The following MIB1 variants were observed in gnomAD, a reference collection of about 807,000 sequenced individuals.
MIB1 encodes E3 ubiquitin-protein ligase MIB1.
MIB1 carries 278 observed loss-of-function variants against 124.5 expected under a neutral mutation model. The ratio of observed to expected loss-of-function variants is 2.23; its 90% CI spans 2.02 to 2.47. The LOEUF is 2.47. MIB1 is among the 30% of genes most tolerant of loss of function. MIB1 has a pLI of 0.00. For synonymous variants in MIB1, 446 were observed against 429.4 expected (o/e 1.04, Z -0.48); for missense variants, 957 against 1,254.4 (o/e 0.76, Z 3.58).
At chr18:21,855,024 A>T (rs774877464) in intron 18 of MIB1, 3 of 152,426 alleles carry the variant, frequency 2.0e-5, no homozygotes, top group Non-Finnish European at 4.4e-5. Flanking sequence ...GGAAGAGGAA[A>T]AACAGTCTTT....
chr18:21,714,354 G>C (rs1220042212), intron 1 of MIB1, among the ~76,000 whole-genome samples: 2 of 152,180 alleles, frequency 1.3e-5, no homozygotes, highest in Non-Finnish European at 2.9e-5. Context: ...TGAGTTTCAT[G>C]CTGGGAGTAG....
chr18:21,808,764 T>C (rs996411019), intron 10 of MIB1, among the ~76,000 whole-genome samples: 2 of 152,170 alleles, frequency 1.3e-5, no homozygotes, highest in Non-Finnish European at 2.9e-5. Context: ...TGAGCTAATT[T>C]TGGATCTGCC....
At chr18:21,843,284 G>A in intron 14 of MIB1, 67 bp downstream of exon 14, 1 of 1,073,280 alleles carries the variant, frequency 9.3e-7, no homozygotes, top group Non-Finnish European at 1.3e-6. Context: ...AGAACTTCCT[G>A]AAAATTGAAA....
chr18:21,759,016 A>G (rs1024914910), intron 1 of MIB1, among the ~76,000 whole-genome samples: 4 of 152,110 alleles, frequency 2.6e-5, no homozygotes, highest in Non-Finnish European at 4.4e-5. Flanking sequence ...CTGGGAATCC[A>G]TCTAGAAAGA....
intron 10 of MIB1, among the ~76,000 whole-genome samples, chr18:21,814,893 A>AAAC (rs530748972): frequency 0.013 from 1,889 of 149,224 alleles, 20 homozygotes; most frequent in Middle Eastern, 0.024. Context: ...GATTCTTTAA[A>AAAC]AACAACAACA....
At chr18:21,792,400 C>T (rs2041516208) in intron 7 of MIB1, among the ~76,000 whole-genome samples, 1 of 152,070 alleles carries the variant, frequency 6.6e-6, no homozygotes, top group African/African-American at 2.4e-5. Flanking sequence ...CTGGCCAGCA[C>T]CTCCTTCTCT....
intron 1 of MIB1, among the ~76,000 whole-genome samples, chr18:21,706,656 C>G (rs1430136286): frequency 6.6e-6 from 1 of 152,196 alleles, no homozygotes; most frequent in Non-Finnish European, 1.5e-5. Context: ...GGGCTTAGCA[C>G]CCAGACCAGC....
At chr18:21,707,326 T>TCAGCTCTCTGTAAAACAGACCAGG (rs967914904) in intron 1 of MIB1, among the ~76,000 whole-genome samples, 7 of 152,098 alleles carry the variant, frequency 4.6e-5, no homozygotes, top group Non-Finnish European at 7.4e-5. Context: ...AACGGACCAG[T>TCAGCTCTCTGTAAAACAGACCAGG]CAGCTCTCTG....
chr18:21,706,452 G>A (rs1210575868), intron 1 of MIB1, among the ~76,000 whole-genome samples: 2 of 152,146 alleles, frequency 1.3e-5, no homozygotes, highest in South Asian at 2.1e-4. Flanking sequence ...TGCACTGTGG[G>A]AGCCCCTCTC....
intron 1 of MIB1, among the ~76,000 whole-genome samples, chr18:21,748,277 A>G (rs2040932817): frequency 6.6e-6 from 1 of 152,092 alleles, no homozygotes; most frequent in South Asian, 2.1e-4. Flanking sequence ...AAACTTTGTG[A>G]TACATCCTGT....
intron 1 of MIB1, among the ~76,000 whole-genome samples, chr18:21,726,005 A>G (rs1283586697): frequency 6.6e-6 from 1 of 152,208 alleles, no homozygotes; most frequent in Non-Finnish European, 1.5e-5. Flanking sequence ...TTTGTTTTCA[A>G]GTGTGGAGTG....
intron 1 of MIB1, among the ~76,000 whole-genome samples, chr18:21,734,748 C>G (rs2040788509): frequency 6.6e-6 from 1 of 152,102 alleles, no homozygotes; most frequent in Admixed American, 6.6e-5. Context: ...AGGCTGGCCT[C>G]GAACTCCTGA....
rs2042113114 is a variant in MIB1 at position 21,843,965 on chromosome 18, T to C, written c.2050-127T>C. The C allele has an allele frequency of 9.3e-6, 8 of 859,350 alleles. No homozygotes were observed. In the South Asian group the frequency reaches 1.5e-4, roughly 16 times the overall value. The allele number at this position is 859,350 out of a possible 1,614,324, so 53.2% of individuals were successfully genotyped here. ...TGGAGAAGAGTAGAAGGCAAAAGCA[T>C]AAAAATGATTAGCTTTAGTGGTAAC... On this transcript the variant is annotated intron_variant, in intron 14 of 20. Transcript: ENST00000261537.
At chr18:21,821,822 C>T (rs1027408056) in intron 12 of MIB1, among the ~76,000 whole-genome samples, 2 of 152,014 alleles carry the variant, frequency 1.3e-5, no homozygotes, top group African/African-American at 2.4e-5. Context: ...AGGATGGTCT[C>T]GATCTCCTGA....
intron 1 of MIB1, among the ~76,000 whole-genome samples, chr18:21,724,753 T>A (rs1170467988): frequency 3.2e-4 from 32 of 98,768 alleles, no homozygotes; most frequent in African/African-American, 9.1e-4. Context: ...TATATATATA[T>A]ATATATATAT....
chr18:21,815,538 C>A, intron 10 of MIB1, 78 bp from the exon 11 acceptor site: 2 of 1,257,716 alleles, frequency 1.6e-6, no homozygotes, highest in Non-Finnish European at 1.1e-6. Context: ...TAATCTGCTT[C>A]TTGGTATATT....
In MIB1 at chr18:21,870,647, G is replaced by GTT. The variant is rs2042348563; in HGVS notation, c.*5983_*5984dup. 6.6e-6 allele frequency: 1 copy of GTT among 152,020 alleles called. No homozygotes were observed. The highest frequency in any genetic ancestry group is 2.4e-5 in the African/African-American group (1 of 41,398). The allele number at this position is 152,020 out of a possible 1,614,324, so 9.4% of individuals were successfully genotyped here. A position where few individuals can be genotyped will look rare whatever the true frequency, so the allele number is the denominator to read the frequency against. On this transcript the variant is annotated 3_prime_UTR_variant, in exon 21 of 21. Transcript: ENST00000261537. Reference sequence around the variant, plus strand: ...TTATGAGTAAATCATTAATTGTATGGTTTGGGGGTTATTTTATTTTCCATG... The same window carrying GTT: ...TTATGAGTAAATCATTAATTGTATGGTTTTTGGGGGTTATTTTATTTTCCATG...
chr18:21,807,236 G>A (rs1476251341), intron 10 of MIB1, among the ~76,000 whole-genome samples: 3 of 152,156 alleles, frequency 2.0e-5, no homozygotes, highest in Non-Finnish European at 4.4e-5. Context: ...TTCAAGACCA[G>A]CCTGGGCAAC....
At chr18:21,804,054 T>A (rs770935760) in intron 10 of MIB1, 40 bp downstream of exon 10, 5 of 1,387,324 alleles carry the variant, frequency 3.6e-6, no homozygotes, top group Non-Finnish European at 5.1e-6. Flanking sequence ...AACATTTATT[T>A]CCTAGAAATA....
Sources: allele counts gnomAD v4.1 joint callset (sites outside exome capture counted in the v4.1 genomes callset), GRCh38; gene constraint gnomAD v4.1.1; transcripts MANE v1.5; gene names NCBI Gene and HGNC (gene_info 2026-07-23, HGNC 2026-07-21).